Variants in CTTN observed in about 807,000 individuals in gnomAD.
The protein encoded by CTTN is src substrate cortactin.
Under a neutral mutation model 84.0 loss-of-function variants are expected in CTTN, and 28 were observed. The observed-to-expected ratio is 0.33, with a 90% CI of 0.25 to 0.46. The LOEUF (loss-of-function observed/expected upper bound fraction) is 0.46, where lower values mean the gene tolerates loss of function less well. CTTN is among the 20% of genes least tolerant of loss of function. The pLI is 1.00. For synonymous variants in CTTN, 301 were observed against 288.8 expected, an observed-to-expected ratio of 1.04 and a Z score of -0.43; for missense variants, 641 against 723.8, an observed-to-expected ratio of 0.89 and a Z score of 1.31.
chr11:70,420,160 G>C, intron 9 of CTTN: 1 of 597,192 alleles, frequency 1.7e-6, no homozygotes. Context: ...CGCATGCGTG[G>C]GAGCTTCCAT....
chr11:70,423,361 G>A (rs909338050), intron 12 of CTTN, among the ~76,000 whole-genome samples: 4 of 152,254 alleles, frequency 2.6e-5, no homozygotes, highest in Admixed American at 6.5e-5. Context: ...GTTAGACTGC[G>A]TGTGGGGCTA....
Position 70,435,798 on chromosome 11 carries a change from T to G in CTTN, c.*636T>G, listed in dbSNP as rs746152205. ...TTCCTGTGCCCACTCCGGCTTGTCC[T>G]CATCTCTACCCATCCCCTGATGCCC... On this transcript the variant is annotated 3_prime_UTR_variant, in exon 18 of 18. Coordinates refer to ENST00000301843, the MANE Select transcript of CTTN (RefSeq NM_005231.4). 1 of 1,577,106 alleles carries G rather than the reference T, an allele frequency of 6.3e-7. No individual in the cohort carries two copies. Among genetic ancestry groups the G allele is most frequent in the Non-Finnish European group, 8.5e-7 (1 of 1,169,832 alleles).
intron 5 of CTTN, among the ~76,000 whole-genome samples, chr11:70,412,739 C>G (rs1481802593): frequency 6.6e-6 from 1 of 152,204 alleles, no homozygotes; most frequent in Non-Finnish European, 1.5e-5. Context: ...CTCCTTGCAT[C>G]CCGTAGCCCT....
Position 70,405,333 on chromosome 11 carries a change from C to T in CTTN, c.-29C>T, listed in dbSNP as rs1323316778. The T allele has an allele frequency of 6.6e-6, 1 of 152,198 alleles. No homozygotes were observed. Among genetic ancestry groups the T allele is most frequent in the Non-Finnish European group, 1.5e-5 (1 of 68,032 alleles). 9.4% of individuals were successfully genotyped at this position (152,198 alleles called of 1,614,324 possible). A position where few individuals can be genotyped will look rare whatever the true frequency, so the allele number is the denominator to read the frequency against. ...TGTGTTTTAAACAGAATTTCGTGAA[C>T]AGCCTTTTATCTCCAAGCGGAAAGA... On this transcript the variant is annotated 5_prime_UTR_variant, in exon 2 of 18. Coordinates refer to ENST00000301843, the MANE Select transcript of CTTN (RefSeq NM_005231.4).
At position 70,417,003 on chromosome 11, in the gene CTTN, GTC is replaced by G; in HGVS notation, c.458-5_458-4del. 1.2e-6 allele frequency: 2 copies of G among 1,611,136 alleles called. No homozygotes were observed. The highest frequency in any genetic ancestry group is 1.7e-6 in the Non-Finnish European group (2 of 1,177,190). On this transcript the variant is annotated splice_polypyrimidine_tract_variant and splice_region_variant and intron_variant, in intron 7 of 17. Transcript: ENST00000301843. ...AGGCCCCCGTGCTAATTGCTGCCCTGTCTCTCCAGACTACTCCAGTGGTTTTG... is the reference window on the plus strand; with the variant it reads ...AGGCCCCCGTGCTAATTGCTGCCCTGTCTCCAGACTACTCCAGTGGTTTTG...
chr11:70,418,701 TATC>T (rs2058192214), intron 8 of CTTN, among the ~76,000 whole-genome samples: 1 of 152,174 alleles, frequency 6.6e-6, no homozygotes, highest in Non-Finnish European at 1.5e-5. Flanking sequence ...CTTAGAGCCT[TATC>T]ATAAACTCTC....
At chr11:70,408,814 C>T (rs1295413926) in intron 4 of CTTN, among the ~76,000 whole-genome samples, 3 of 152,198 alleles carry the variant, frequency 2.0e-5, no homozygotes, top group Non-Finnish European at 4.4e-5. Context: ...GGACAAGAGA[C>T]TGGAATGGGG....
Position 70,436,067 on chromosome 11 carries a change from A to G in CTTN, c.*905A>G. On this transcript the variant is annotated 3_prime_UTR_variant, in exon 18 of 18. Transcript: ENST00000301843. ...ACAGCATGGCCTCTCGGCCTTGGGA[A>G]GGAAGGCAGTGCCTGCTCTGCTGTG... is the stretch of plus-strand genomic sequence containing the variant. 1 of 1,424,050 alleles carries G rather than the reference A, an allele frequency of 7.0e-7. No individual in the cohort carries two copies. The highest frequency in any genetic ancestry group is 9.1e-7 in the Non-Finnish European group (1 of 1,094,752). 88.2% of individuals were successfully genotyped at this position (1,424,050 alleles called of 1,614,324 possible). A position where few individuals can be genotyped will look rare whatever the true frequency, so the allele number is the denominator to read the frequency against.
At chr11:70,432,543 C>T (rs1009660422) in intron 15 of CTTN, among the ~76,000 whole-genome samples, 5 of 152,222 alleles carry the variant, frequency 3.3e-5, no homozygotes, top group African/African-American at 1.2e-4. Flanking sequence ...CGCTGGGGCT[C>T]CGAAGCGGCA....
At chr11:70,428,565 C>T (rs529646414) in intron 13 of CTTN, among the ~76,000 whole-genome samples, 7 of 152,246 alleles carry the variant, frequency 4.6e-5, no homozygotes, top group African/African-American at 1.7e-4. Flanking sequence ...TCTCAGTCTT[C>T]CCGTCTCAAC....
chr11:70,436,052 C>T lies in CTTN; in HGVS notation c.*890C>T. ...TGTGTGTGCCATGTCACAGCATGGC[C>T]TCTCGGCCTTGGGAAGGAAGGCAGT... On this transcript the variant is annotated 3_prime_UTR_variant, in exon 18 of 18. Transcript: ENST00000301843. 7.0e-7 allele frequency: 1 copy of T among 1,424,572 alleles called. No homozygotes were observed. Among genetic ancestry groups the T allele is most frequent in the Non-Finnish European group, 9.1e-7 (1 of 1,095,234 alleles). The allele number at this position is 1,424,572 out of a possible 1,614,324, so 88.2% of individuals were successfully genotyped here. A position where few individuals can be genotyped will look rare whatever the true frequency, so the allele number is the denominator to read the frequency against.
Position 70,414,564 on chromosome 11 carries a change from A to G in CTTN, c.314A>G (p.Gln105Arg). The G allele has an allele frequency of 6.2e-7, 1 of 1,614,136 alleles. No individual in the cohort carries two copies. Among genetic ancestry groups the G allele is most frequent in the Admixed American group, 1.7e-5 (1 of 60,020 alleles). The change falls in exon 6 of 18, where the codon CAG becomes CGG. Residue 105 changes from glutamine (Q) to arginine (R), a missense_variant. Gln to Arg is a conservative substitution (Grantham distance 43, BLOSUM62 1). Coordinates refer to ENST00000301843, the MANE Select transcript of CTTN (RefSeq NM_005231.4). ...CAGTCAGCTGTCGGCCACGAATATC[A>G]GTCGAAACTTTCCAAGCACTGCTCG... ...MDKSAVGHEYQSKLSKHCSQV... is the reference protein window; with the variant it reads ...MDKSAVGHEYRSKLSKHCSQV...
intron 2 of CTTN, among the ~76,000 whole-genome samples, chr11:70,405,622 TC>T (rs971227690): frequency 6.6e-6 from 1 of 152,112 alleles, no homozygotes; most frequent in African/African-American, 2.4e-5. Flanking sequence ...TCTGGCCCCT[TC>T]CCCACCCCAT....
At chr11:70,432,872 T>TCGGTGGTGAGGA (rs1439653473) in intron 15 of CTTN, among the ~76,000 whole-genome samples, 1 of 152,124 alleles carries the variant, frequency 6.6e-6, no homozygotes, top group Non-Finnish European at 1.5e-5. Context: ...GACTGGAGTG[T>TCGGTGGTGAGGA]CGGTGGTGAG....
intron 9 of CTTN, 54 bp downstream of exon 9, chr11:70,419,910 G>A: frequency 1.5e-6 from 2 of 1,364,822 alleles, no homozygotes; most frequent in South Asian, 1.2e-5. Flanking sequence ...GTGACAGGTG[G>A]TAGCCACACC....
At chr11:70,434,948 G>T in intron 17 of CTTN, 78 bp from the exon 18 acceptor site, 3 of 1,518,096 alleles carry the variant, frequency 2.0e-6, no homozygotes, top group South Asian at 1.1e-5. Context: ...CTGGGAGCTT[G>T]CTCTGGGTTG....
chr11:70,410,267 A>G (rs2058083913), intron 5 of CTTN: 2 of 284,988 alleles, frequency 7.0e-6, no homozygotes, highest in South Asian at 5.8e-5. Context: ...TCCTGGCTCT[A>G]GGTGTCATCA....
rs754679851 is a variant in CTTN at position 70,435,459 on chromosome 11, G to A, written c.*297G>A. The A allele has an allele frequency of 2.0e-5, 31 of 1,525,322 alleles. No individual in the cohort carries two copies. In the East Asian group the frequency reaches 2.6e-4, roughly 13 times the overall value. 94.5% of individuals were successfully genotyped at this position (1,525,322 alleles called of 1,614,324 possible). A position where few individuals can be genotyped will look rare whatever the true frequency, so the allele number is the denominator to read the frequency against. On this transcript the variant is annotated 3_prime_UTR_variant, in exon 18 of 18. Coordinates refer to ENST00000301843, the MANE Select transcript of CTTN (RefSeq NM_005231.4). ...TCTTTTTTGCCAAATTGACTGTCAC[G>A]CGGCAGCTTCAGGGAGCTCGCATTC...
intron 10 of CTTN, 116 bp downstream of exon 10, chr11:70,420,626 C>T (rs997008463): frequency 1.3e-6 from 1 of 772,644 alleles, no homozygotes; most frequent in Non-Finnish European, 2.2e-6. Flanking sequence ...TTTGTCTTCA[C>T]TGTTTGAAGT....
Sources: allele counts gnomAD v4.1 joint callset (sites outside exome capture counted in the v4.1 genomes callset), GRCh38; gene constraint gnomAD v4.1.1; transcripts MANE v1.5; gene names NCBI Gene and HGNC (gene_info 2026-07-23, HGNC 2026-07-21).